TENM3: variants seen among roughly 807,000 people sequenced by gnomAD.
The protein encoded by TENM3 is teneurin-3.
Under a neutral mutation model 255.1 loss-of-function variants are expected in TENM3, and 63 were observed. The observed-to-expected ratio is 0.25, with a 90% confidence interval of 0.20 to 0.30. The LOEUF is 0.30. Ranked by LOEUF, TENM3 falls within the 10% of genes least tolerant of loss-of-function variation. The pLI, the probability that TENM3 is intolerant of heterozygous loss-of-function variation, is 1.00. For missense variants in TENM3, 2,929 were observed against 3,461.1 expected (o/e 0.85, Z 3.86); for synonymous variants, 1,306 against 1,322.3 (o/e 0.99, Z 0.27).
At chr4:181,566,099 A>AT in the TENM3 span, among the ~76,000 whole-genome samples, 1 of 11,388 alleles carries the variant, frequency 8.8e-5, no homozygotes, top group African/African-American at 1.4e-4. Flanking sequence ...TGTTTGGCGA[A>AT]GAAAAAAAAA....
At chr4:182,167,846 T>G (rs1409573458) in intron 1 of TENM3, among the ~76,000 whole-genome samples, 1 of 152,208 alleles carries the variant, frequency 6.6e-6, no homozygotes, top group Non-Finnish European at 1.5e-5. Flanking sequence ...ATCATGCCAC[T>G]GTGCTCCAGC....
chr4:181,956,171 G>C, the TENM3 span, among the ~76,000 whole-genome samples: 1 of 152,052 alleles, frequency 6.6e-6, no homozygotes, highest in Non-Finnish European at 1.5e-5. Context: ...CTTCCTAAGG[G>C]CACTACTCAC....
the TENM3 span, among the ~76,000 whole-genome samples, chr4:181,486,017 G>GAA: frequency 2.7e-3 from 400 of 149,558 alleles, 1 homozygote; most frequent in South Asian, 0.018. Flanking sequence ...AAACTTGAGA[G>GAA]AAAAAAAAAA....
chr4:182,115,008 C>G, the TENM3 span, among the ~76,000 whole-genome samples: 1 of 151,918 alleles, frequency 6.6e-6, no homozygotes, highest in African/African-American at 2.4e-5. Flanking sequence ...ATGGTGAAAC[C>G]TCATCTCTGG....
chr4:181,711,587 A>G, the TENM3 span, among the ~76,000 whole-genome samples: 6 of 152,238 alleles, frequency 3.9e-5, no homozygotes, highest in South Asian at 2.1e-4. Flanking sequence ...CATCAGCAAT[A>G]AAGTCAATGA....
chr4:182,656,452 G>A (rs939234306), intron 6 of TENM3, among the ~76,000 whole-genome samples: 16 of 152,104 alleles, frequency 1.1e-4, no homozygotes, highest in African/African-American at 3.6e-4. Context: ...GGGAGTGGAC[G>A]GGAACTCTAT....
intron 22 of TENM3, among the ~76,000 whole-genome samples, chr4:182,767,607 TTACA>T (rs148580276): frequency 0.024 from 3,651 of 152,218 alleles, 137 homozygotes; most frequent in African/African-American, 0.083. Context: ...TGTGTGTATA[TTACA>T]TACACACGTA....
intron 1 of TENM3, among the ~76,000 whole-genome samples, chr4:182,275,952 A>G (rs149630310): frequency 6.0e-4 from 92 of 152,300 alleles, no homozygotes; most frequent in Non-Finnish European, 1.0e-3. Context: ...TTAAAAAATT[A>G]TCAGTCAATC....
the TENM3 span, among the ~76,000 whole-genome samples, chr4:181,548,233 C>G: frequency 6.6e-6 from 1 of 152,140 alleles, no homozygotes; most frequent in Non-Finnish European, 1.5e-5. Context: ...CTAGTTCAAC[C>G]ATTGTGGAAG....
At chr4:182,402,666 G>A (rs939607429) in intron 3 of TENM3, among the ~76,000 whole-genome samples, 3 of 152,086 alleles carry the variant, frequency 2.0e-5, no homozygotes, top group Admixed American at 6.6e-5. Context: ...TGTGGGTAAA[G>A]CTTCCTGTTT....
At chr4:182,584,719 A>G (rs1176326633) in intron 3 of TENM3, among the ~76,000 whole-genome samples, 3 of 152,082 alleles carry the variant, frequency 2.0e-5, no homozygotes, top group Non-Finnish European at 4.4e-5. Context: ...GGCTCACTGC[A>G]ACCTCCACTT....
the TENM3 span, among the ~76,000 whole-genome samples, chr4:181,492,457 A>G: frequency 1.3e-5 from 2 of 152,228 alleles, no homozygotes; most frequent in Non-Finnish European, 2.9e-5. Context: ...AGTAATAAGC[A>G]TTTTGTAAGT....
At chr4:181,549,973 T>TA in the TENM3 span, among the ~76,000 whole-genome samples, 4 of 152,126 alleles carry the variant, frequency 2.6e-5, no homozygotes, top group African/African-American at 9.7e-5. Context: ...ATAATGGGTA[T>TA]AATGTGTCTC....
At chr4:182,562,021 T>TAGAC (rs1465658332) in intron 3 of TENM3, among the ~76,000 whole-genome samples, 4 of 151,836 alleles carry the variant, frequency 2.6e-5, no homozygotes, top group South Asian at 2.1e-4. Context: ...GATAGATAGA[T>TAGAC]AGATAGATAG....
intron 3 of TENM3, among the ~76,000 whole-genome samples, chr4:182,486,450 G>T (rs182614728): frequency 8.5e-4 from 129 of 152,196 alleles, no homozygotes; most frequent in African/African-American, 2.5e-3. Flanking sequence ...CTCCTTTGTA[G>T]GAATGGGGAG....
the TENM3 span, among the ~76,000 whole-genome samples, chr4:181,941,146 T>G: frequency 6.6e-6 from 1 of 152,308 alleles, no homozygotes; most frequent in Middle Eastern, 3.4e-3. Flanking sequence ...TTGGAAATAT[T>G]TACTCCTACT....
At chr4:181,989,175 C>G in the TENM3 span, among the ~76,000 whole-genome samples, 1 of 152,014 alleles carries the variant, frequency 6.6e-6, no homozygotes, top group Non-Finnish European at 1.5e-5. Context: ...ACCAGGGGAA[C>G]AGAAGGCAGG....
the TENM3 span, among the ~76,000 whole-genome samples, chr4:182,124,725 A>G: frequency 1.3e-5 from 2 of 152,246 alleles, no homozygotes; most frequent in African/African-American, 2.4e-5. Context: ...TTCAAGTACG[A>G]TAAGTCCCTT....
the TENM3 span, among the ~76,000 whole-genome samples, chr4:181,746,736 A>G: frequency 3.9e-4 from 59 of 149,598 alleles, no homozygotes; most frequent in African/African-American, 1.3e-3. Flanking sequence ...CCCTTGAACC[A>G]CTTCCCTACT....
Sources: gnomAD v4.1 joint callset for allele counts (sites outside exome capture counted in the v4.1 genomes callset) on GRCh38, gnomAD v4.1.1 for gene constraint, MANE v1.5 for transcripts, NCBI Gene and HGNC (gene_info 2026-07-23, HGNC 2026-07-21) for gene names.